Variants in ANKHD1 observed in about 807,000 individuals in gnomAD.
ANKHD1 encodes the protein ankyrin repeat and KH domain-containing protein 1.
Under a neutral mutation model 230.5 loss-of-function variants are expected in ANKHD1, and 31 were observed. The observed-to-expected ratio is 0.13, with a 90% CI of 0.10 to 0.18. ANKHD1 has a LOEUF of 0.18. Ranked by LOEUF, ANKHD1 falls within the 10% of genes least tolerant of loss-of-function variation. ANKHD1 has a pLI of 1.00. For missense variants in ANKHD1, 2,256 were observed against 3,071.3 expected, an observed-to-expected ratio of 0.73 and a Z score of 6.27; for synonymous variants, 1,074 against 1,117.6, an observed-to-expected ratio of 0.96 and a Z score of 0.78.
intron 7 of ANKHD1, among the ~76,000 whole-genome samples, chr5:140,450,404 G>C (rs973040035): frequency 1.3e-5 from 2 of 150,508 alleles, no homozygotes; most frequent in African/African-American, 4.9e-5. Context: ...AGTGATTCTC[G>C]TGCATCAGCC....
chr5:140,486,024 TG>T, intron 13 of ANKHD1: 1 of 306,916 alleles, frequency 3.3e-6, no homozygotes, highest in Non-Finnish European at 5.8e-6. Context: ...GTTTTTTATT[TG>T]TTTTTTAACA....
intron 10 of ANKHD1, among the ~76,000 whole-genome samples, chr5:140,469,598 G>C (rs1231188410): frequency 6.6e-6 from 1 of 151,932 alleles, no homozygotes; most frequent in African/African-American, 2.4e-5. Context: ...GAAAACACAG[G>C]AATAAAATTA....
chr5:140,427,198 T>A, intron 1 of ANKHD1, among the ~76,000 whole-genome samples: 1 of 137,390 alleles, frequency 7.3e-6, no homozygotes, highest in African/African-American at 2.8e-5. Context: ...GCAGAGGGGC[T>A]CCTCACTTCC....
intron 1 of ANKHD1, among the ~76,000 whole-genome samples, chr5:140,414,964 T>C (rs1437100089): frequency 6.6e-6 from 1 of 152,226 alleles, no homozygotes; most frequent in African/African-American, 2.4e-5. Context: ...CTGTAGCTTG[T>C]CATTTCATTC....
chr5:140,535,104 T>G (rs1018625997), intron 29 of ANKHD1, among the ~76,000 whole-genome samples: 1 of 152,206 alleles, frequency 6.6e-6, no homozygotes, highest in African/African-American at 2.4e-5. Context: ...ACTGACACTC[T>G]TAAACATTGA....
At chr5:140,403,486 A>G (rs1408855936) in intron 1 of ANKHD1, among the ~76,000 whole-genome samples, 3 of 151,684 alleles carry the variant, frequency 2.0e-5, no homozygotes, top group African/African-American at 7.3e-5. Context: ...ATCTCGGCAC[A>G]CTGCAACCTC....
At position 140,459,260 on chromosome 5, in the gene ANKHD1, A is replaced by G. The variant is rs780985328; in HGVS notation, c.1577A>G (p.Lys526Arg). 1 of 1,603,322 alleles carries G rather than the reference A, an allele frequency of 6.2e-7. No homozygotes were observed. The highest frequency in any genetic ancestry group is 8.5e-7 in the Non-Finnish European group (1 of 1,172,412). The change falls in exon 9 of 34, where the codon AAG becomes AGG. Residue 526 changes from lysine (K) to arginine (R), a missense_variant. Physicochemically the swap from Lys to Arg is conservative, Grantham distance 26. Around this residue, in one of 13 missense-constraint regions of ANKHD1, gnomAD observed 179 missense variants for 261.8 expected, o/e 0.68. Transcript: ENST00000360839. The part of the protein sequence containing the change: ...GFSEVADFLI[K>R]AGADIELGCS... ...TCTGAAGTTGCAGACTTTCTTATTA[A>G]GGCAGGGGCTGATATAGAACTTGGC...
Position 140,441,579 on chromosome 5 carries a change from T to C in ANKHD1, c.913+437T>C, listed in dbSNP as rs80238200. ...GAAAATTTACAAAAAGCGTTAAATA[T>C]ATAGAGATAAGACATTGGTTACCGG... On this transcript the variant is annotated intron_variant, in intron 5 of 33. Transcript: ENST00000360839. Among the ~76,000 whole-genome samples, 558 of 152,038 alleles carry C rather than the reference T, an allele frequency of 3.7e-3. 7 individuals are homozygous for C. Among genetic ancestry groups the C allele is most frequent in the African/African-American group, 0.013 (544 of 41,448 alleles).
chr5:140,402,375 T>C, intron 1 of ANKHD1, 102 bp downstream of exon 1: 1 of 1,356,544 alleles, frequency 7.4e-7, no homozygotes, highest in Non-Finnish European at 9.5e-7. Context: ...GGTGGAGCCC[T>C]TCTGTGACAG....
intron 14 of ANKHD1, among the ~76,000 whole-genome samples, chr5:140,489,893 G>C (rs1751693370): frequency 6.6e-6 from 1 of 152,160 alleles, no homozygotes; most frequent in South Asian, 2.1e-4. Flanking sequence ...ATAGTGCATT[G>C]TGTTAAAATG....
intron 7 of ANKHD1, among the ~76,000 whole-genome samples, chr5:140,457,997 A>G (rs898454711): frequency 2.6e-5 from 4 of 152,068 alleles, no homozygotes; most frequent in African/African-American, 9.7e-5. Flanking sequence ...CATGGTAAAA[A>G]TTTTTTACAA....
At chr5:140,412,407 A>G (rs779468676) in intron 1 of ANKHD1, among the ~76,000 whole-genome samples, 8 of 152,160 alleles carry the variant, frequency 5.3e-5, no homozygotes, top group Non-Finnish European at 1.2e-4. Context: ...ATCCTCCTGC[A>G]GTGGCCTCCC....
intron 1 of ANKHD1, among the ~76,000 whole-genome samples, chr5:140,426,420 G>T (rs1248727815): frequency 1.3e-5 from 2 of 152,224 alleles, no homozygotes; most frequent in Non-Finnish European, 2.9e-5. Flanking sequence ...GTGAGCCACT[G>T]CGCCCAGCTG....
chr5:140,486,073 T>G, intron 13 of ANKHD1: 1 of 243,242 alleles, frequency 4.1e-6, no homozygotes. Flanking sequence ...TTTCTTTTGT[T>G]TTTTTTTTTG....
chr5:140,429,768 A>G (rs1228683028), intron 1 of ANKHD1, among the ~76,000 whole-genome samples: 1 of 152,248 alleles, frequency 6.6e-6, no homozygotes, highest in Non-Finnish European at 1.5e-5. Flanking sequence ...ATGAGATATT[A>G]TTATTTTATT....
intron 11 of ANKHD1, 69 bp downstream of exon 11, chr5:140,482,736 C>G (rs1237360821): frequency 1.9e-6 from 3 of 1,541,260 alleles, no homozygotes; most frequent in East Asian, 4.6e-5. Flanking sequence ...TAAACTGTTG[C>G]AATTTATGTT....
In ANKHD1 at chr5:140,474,547, T is replaced by C. The variant is rs553600454; in HGVS notation, c.1783-8033T>C. Among the ~76,000 whole-genome samples the C allele has an allele frequency of 1.1e-4, 16 of 151,662 alleles. No homozygotes were observed. In the South Asian group the frequency reaches 3.1e-3, roughly 30 times the overall value. ...GTTATCTAAAGCCAAATAGAAAAAA[T>C]TCCACATTTTTTCTTACAGTGCTCA... is the stretch of plus-strand genomic sequence containing the variant. On this transcript the variant is annotated intron_variant, in intron 10 of 33. Coordinates refer to ENST00000360839, the MANE Select transcript of ANKHD1 (RefSeq NM_017747.3).
intron 1 of ANKHD1, among the ~76,000 whole-genome samples, chr5:140,407,516 T>A (rs926508504): frequency 6.7e-6 from 1 of 148,936 alleles, no homozygotes; most frequent in East Asian, 2.0e-4. Flanking sequence ...GCAATCCTAC[T>A]GCCTCAGCCT....
intron 24 of ANKHD1, among the ~76,000 whole-genome samples, chr5:140,521,935 T>C (rs149932275): frequency 0.025 from 3,841 of 152,320 alleles, 71 homozygotes; most frequent in Middle Eastern, 0.044. Flanking sequence ...GCCAACATCG[T>C]GCCACTGCAC....
Sources: allele counts gnomAD v4.1 joint callset (sites outside exome capture counted in the v4.1 genomes callset), GRCh38; gene constraint gnomAD v4.1.1; regional missense constraint gnomAD v4.1.1; transcripts MANE v1.5; gene names NCBI Gene and HGNC (gene_info 2026-07-23, HGNC 2026-07-21).